NREP: variants seen among roughly 807,000 people sequenced by gnomAD.
NREP encodes the protein neuronal regeneration related protein.
In NREP, 5 loss-of-function variants were observed where a neutral mutation model predicts 8.6. That is an observed-to-expected ratio of 0.58 (90% confidence interval 0.30 to 1.22). NREP has a LOEUF of 1.22. Among genes scored for constraint, NREP ranks in the 50% most tolerant of loss-of-function variants. NREP has a pLI of 0.07. For synonymous variants in NREP, 27 were observed against 28.0 expected, an observed-to-expected ratio of 0.96 and a Z score of 0.11; for missense variants, 86 against 82.5, an observed-to-expected ratio of 1.04 and a Z score of -0.17.
At chr5:111,804,623 C>T (rs1315074627) in intron 2 of NREP, among the ~76,000 whole-genome samples, 1 of 151,772 alleles carries the variant, frequency 6.6e-6, no homozygotes, top group Admixed American at 6.6e-5. Context: ...GACATATTTG[C>T]AATATACAGT....
chr5:111,887,802 A>G (rs1365648087), intron 2 of NREP, among the ~76,000 whole-genome samples: 1 of 152,220 alleles, frequency 6.6e-6, no homozygotes, highest in African/African-American at 2.4e-5. Flanking sequence ...CAACACATTC[A>G]TATTTTTATA....
intron 3 of NREP, chr5:111,734,684 A>G (rs1195460303): frequency 5.7e-6 from 4 of 698,040 alleles, no homozygotes; most frequent in African/African-American, 3.5e-5. Flanking sequence ...AGTCAATTAC[A>G]CTTATGAAAC....
chr5:111,970,825 C>CAAAAAAAAAAAAAAAAAA (rs33962098), intron 2 of NREP, among the ~76,000 whole-genome samples: 25 of 53,610 alleles, frequency 4.7e-4, no homozygotes, highest in South Asian at 8.6e-4. Context: ...GACTCCATCT[C>CAAAAAAAAAAAAAAAAAA]AAAAAAAAAA....
chr5:111,867,058 C>A (rs1255529567), intron 2 of NREP, among the ~76,000 whole-genome samples: 1 of 151,664 alleles, frequency 6.6e-6, no homozygotes. Context: ...TGACGAGTTA[C>A]TGGGTGCAGC....
At chr5:111,801,576 G>C (rs1289975938) in intron 2 of NREP, among the ~76,000 whole-genome samples, 3 of 152,076 alleles carry the variant, frequency 2.0e-5, no homozygotes, top group African/African-American at 7.2e-5. Context: ...TGCATATCCA[G>C]AAATGAAATA....
At chr5:111,777,416 GTC>G (rs1473123062) in intron 2 of NREP, among the ~76,000 whole-genome samples, 11 of 151,944 alleles carry the variant, frequency 7.2e-5, no homozygotes, top group African/African-American at 2.2e-4. Context: ...AACAGTAGTT[GTC>G]TCTGGAGAGG....
chr5:111,812,078 A>C (rs1752282674), intron 2 of NREP, among the ~76,000 whole-genome samples: 1 of 152,146 alleles, frequency 6.6e-6, no homozygotes, highest in Non-Finnish European at 1.5e-5. Context: ...ACCTGAGTGC[A>C]GGAGTTTGAG....
intron 2 of NREP, among the ~76,000 whole-genome samples, chr5:111,766,762 G>T (rs1480089177): frequency 6.6e-6 from 1 of 152,196 alleles, no homozygotes; most frequent in Non-Finnish European, 1.5e-5. Flanking sequence ...CATGGAGCTG[G>T]GTTTCCTTCT....
intron 2 of NREP, among the ~76,000 whole-genome samples, chr5:111,826,313 TAA>T (rs1271806718): frequency 6.6e-6 from 1 of 151,898 alleles, no homozygotes. Context: ...AATAAGGGAG[TAA>T]AAGCAGGCCA....
chr5:111,755,864 G>T, intron 1 of NREP, 34 bp from the exon 2 acceptor site: 1 of 1,609,704 alleles, frequency 6.2e-7, no homozygotes, highest in Non-Finnish European at 8.5e-7. Context: ...TAGACACATC[G>T]CCTCACCACA....
chr5:111,832,784 C>T (rs969340650), intron 2 of NREP, among the ~76,000 whole-genome samples: 2 of 152,176 alleles, frequency 1.3e-5, no homozygotes, highest in East Asian at 3.9e-4. Context: ...ATCTCTTTAC[C>T]ACTCCCATTC....
intron 2 of NREP, among the ~76,000 whole-genome samples, chr5:111,924,803 C>T (rs574444925): frequency 9.9e-5 from 15 of 152,180 alleles, no homozygotes; most frequent in African/African-American, 3.4e-4. Context: ...GCAGTTATAG[C>T]CTGGCCAATT....
intron 2 of NREP, among the ~76,000 whole-genome samples, chr5:111,881,833 A>G (rs1010864019): frequency 3.2e-4 from 49 of 152,212 alleles, no homozygotes; most frequent in Non-Finnish European, 5.4e-4. Context: ...CCATCTGTAC[A>G]TCACCATCAT....
intron 2 of NREP, among the ~76,000 whole-genome samples, chr5:111,889,269 C>A (rs955402832): frequency 1.3e-5 from 2 of 152,132 alleles, no homozygotes; most frequent in Non-Finnish European, 1.5e-5. Flanking sequence ...GAAGCAGGAG[C>A]AAGAGAGAGT....
At chr5:111,892,673 T>G (rs964707389) in intron 2 of NREP, among the ~76,000 whole-genome samples, 1 of 152,128 alleles carries the variant, frequency 6.6e-6, no homozygotes, top group African/African-American at 2.4e-5. Flanking sequence ...GGGTTAAAAC[T>G]TTGGCATGCA....
At chr5:111,810,436 A>G (rs1274340308) in intron 2 of NREP, among the ~76,000 whole-genome samples, 1 of 152,180 alleles carries the variant, frequency 6.6e-6, no homozygotes, top group African/African-American at 2.4e-5. Context: ...CATTTCCATA[A>G]TGCCCAATGT....
At position 111,969,095 on chromosome 5, in the gene NREP, C is replaced by G. The variant is rs1431184955; in HGVS notation, c.135+6179G>C. On this transcript the variant is annotated intron_variant, in intron 2 of 3. Coordinates refer to the NREP transcript ENST00000395634. ...CAGATATCAGGACATTTAGGAGGAT[C>G]TGTAACTAGATGATGATCAAATACT... Among the ~76,000 whole-genome samples the G allele has an allele frequency of 3.3e-5, 5 of 152,320 alleles. No individual in the cohort carries two copies. The East Asian group carries it at 7.7e-4, about 23-fold the overall frequency.
At chr5:111,756,377 C>G in intron 1 of NREP, 1 of 454,694 alleles carries the variant, frequency 2.2e-6, no homozygotes, top group Non-Finnish European at 2.9e-6. Context: ...CTCCCTAAAC[C>G]AAATAAACAT....
At chr5:111,970,469 C>T (rs547150639) in intron 2 of NREP, among the ~76,000 whole-genome samples, 1 of 152,234 alleles carries the variant, frequency 6.6e-6, no homozygotes, top group African/African-American at 2.4e-5. Flanking sequence ...AGGCCTCTAG[C>T]GTGCCTATTT....
Sources: allele counts gnomAD v4.1 joint callset (sites outside exome capture counted in the v4.1 genomes callset), GRCh38; gene constraint gnomAD v4.1.1; transcripts MANE v1.5; gene names NCBI Gene and HGNC (gene_info 2026-07-23, HGNC 2026-07-21).